The following CSMD1 variants were observed in gnomAD, a reference collection of about 807,000 sequenced individuals.
CSMD1 encodes CUB and sushi domain-containing protein 1.
Under a neutral mutation model 417.5 loss-of-function variants are expected in CSMD1, and 213 were observed. The observed-to-expected ratio is 0.51, with a 90% CI of 0.46 to 0.57. CSMD1 has a LOEUF of 0.57. CSMD1 is among the 20% of genes least tolerant of loss of function. The pLI, the probability that CSMD1 is intolerant of heterozygous loss-of-function variation, is 0.00. For synonymous variants in CSMD1, 2,862 were observed against 1,736.8 expected (o/e 1.65, Z -16.11); for missense variants, 6,923 against 4,529.7 (o/e 1.53, Z -15.17).
At chr8:4,885,216 A>G (rs1000862680) in intron 1 of CSMD1, among the ~76,000 whole-genome samples, 2 of 152,196 alleles carry the variant, frequency 1.3e-5, no homozygotes, top group South Asian at 2.1e-4. Flanking sequence ...ATTTTTAGAT[A>G]TAATAGTTTT....
chr8:4,192,611 G>C (rs1402874228), intron 3 of CSMD1, among the ~76,000 whole-genome samples: 1 of 152,196 alleles, frequency 6.6e-6, no homozygotes, highest in Non-Finnish European at 1.5e-5. Flanking sequence ...ATGAGAACAG[G>C]TTGGGCCACA....
chr8:3,810,611 G>A (rs1470446168), intron 5 of CSMD1, among the ~76,000 whole-genome samples: 1 of 152,150 alleles, frequency 6.6e-6, no homozygotes, highest in Non-Finnish European at 1.5e-5. Context: ...CCTTGTCACT[G>A]GTGACTCATT....
intron 1 of CSMD1, among the ~76,000 whole-genome samples, chr8:4,940,315 A>G (rs1265768588): frequency 1.3e-5 from 2 of 152,246 alleles, no homozygotes; most frequent in African/African-American, 4.8e-5. Context: ...TTCAATCTGA[A>G]TTATTTTCTG....
intron 37 of CSMD1, among the ~76,000 whole-genome samples, chr8:3,179,692 T>A (rs2129047060): frequency 6.6e-6 from 1 of 152,126 alleles, no homozygotes; most frequent in South Asian, 2.1e-4. Context: ...CAATACTAAC[T>A]CCCCCAAAAC....
At chr8:4,359,831 C>A (rs1236251481) in intron 3 of CSMD1, among the ~76,000 whole-genome samples, 2 of 152,252 alleles carry the variant, frequency 1.3e-5, no homozygotes, top group Admixed American at 1.3e-4. Context: ...ATCTCTCCTA[C>A]TGTCGGAAGC....
At chr8:4,121,280 C>T (rs1206430984) in intron 3 of CSMD1, among the ~76,000 whole-genome samples, 4 of 151,898 alleles carry the variant, frequency 2.6e-5, no homozygotes, top group East Asian at 1.9e-4. Flanking sequence ...ACACCCAGCT[C>T]GTTTTTGTAT....
chr8:3,480,247 T>A (rs1050538697), intron 11 of CSMD1, among the ~76,000 whole-genome samples: 1 of 151,996 alleles, frequency 6.6e-6, no homozygotes, highest in Non-Finnish European at 1.5e-5. Context: ...CTGTAGTCCC[T>A]ACTACTCAGG....
intron 9 of CSMD1, among the ~76,000 whole-genome samples, chr8:3,579,262 T>G (rs1357511183): frequency 6.6e-6 from 1 of 152,050 alleles, no homozygotes; most frequent in African/African-American, 2.4e-5. Context: ...TGCATGCCAT[T>G]TTGACATTTA....
rs535490501 is a variant in CSMD1, at chr8:3,158,690, C to T, written c.5845-724G>A. On this transcript the variant is annotated intron_variant, in intron 38 of 69. Coordinates refer to ENST00000635120, the MANE Select transcript of CSMD1 (RefSeq NM_033225.6). ...TAAATTCAAAGATGTTTTGTGCTAA[C>T]ATCTCTTTCTCAGTAAAAGAGAGGT... Among the ~76,000 whole-genome samples, 68 of 151,740 alleles carry T rather than the reference C, an allele frequency of 4.5e-4. 1 individual carries two copies. The South Asian group carries it at 0.011, about 25-fold the overall frequency.
At chr8:3,249,648 A>G (rs1402240135) in intron 26 of CSMD1, among the ~76,000 whole-genome samples, 2 of 152,262 alleles carry the variant, frequency 1.3e-5, no homozygotes, top group Non-Finnish European at 2.9e-5. Flanking sequence ...ACATGTAATT[A>G]AAACATTGAT....
In CSMD1 at chr8:4,096,626, A is replaced by G. The variant is rs554942456; in HGVS notation, c.416-64527T>C. Reference sequence around the variant, plus strand: ...GTAATCTGATCAATTACAATGAAAGATATCTTAAAAATCTTTACTAAGATA... The same window carrying G: ...GTAATCTGATCAATTACAATGAAAGGTATCTTAAAAATCTTTACTAAGATA... On this transcript the variant is annotated intron_variant, in intron 3 of 69. Transcript: ENST00000635120. Among the ~76,000 whole-genome samples the G allele has an allele frequency of 9.2e-5, 14 of 152,364 alleles. No individual in the cohort carries two copies. In the East Asian group the frequency reaches 1.7e-3, roughly 19 times the overall value.
chr8:4,473,661 G>T (rs1262115531), intron 2 of CSMD1, among the ~76,000 whole-genome samples: 1 of 152,158 alleles, frequency 6.6e-6, no homozygotes, highest in African/African-American at 2.4e-5. Flanking sequence ...TGAAAACAAA[G>T]AGCATATGAC....
rs190014553 is a variant in CSMD1 at position 4,142,327 on chromosome 8, T to G, written c.416-110228A>C. 2.0e-5 allele frequency among the ~76,000 whole-genome samples: 3 copies of G among 151,238 alleles called. No homozygotes were observed. In the East Asian group the frequency reaches 5.8e-4, roughly 29 times the overall value. On this transcript the variant is annotated intron_variant, in intron 3 of 69. Transcript: ENST00000635120. ...GATTTGCTATCTTTATCCACCTCAT[T>G]AGCCTACTCTACGAGGTTATGATAT...
chr8:3,562,934 C>G (rs2170482), intron 10 of CSMD1, among the ~76,000 whole-genome samples: 57,114 of 151,502 alleles, frequency 0.38, 11,318 homozygotes, highest in African/African-American at 0.51. Flanking sequence ...AAAAAAAAAC[C>G]AAACCATCCA....
At chr8:3,194,642 G>C (rs976681811) in intron 33 of CSMD1, among the ~76,000 whole-genome samples, 2 of 123,874 alleles carry the variant, frequency 1.6e-5, no homozygotes, top group Middle Eastern at 3.9e-3. Flanking sequence ...TTTTTTTTTT[G>C]TACTTTTAGT....
intron 1 of CSMD1, among the ~76,000 whole-genome samples, chr8:4,825,459 T>C (rs773334952): frequency 2.0e-5 from 3 of 152,108 alleles, no homozygotes; most frequent in Non-Finnish European, 2.9e-5. Flanking sequence ...TTACTCAGTT[T>C]GCATGATTGA....
At chr8:4,989,943 G>T (rs1174077936) in intron 1 of CSMD1, among the ~76,000 whole-genome samples, 1 of 152,200 alleles carries the variant, frequency 6.6e-6, no homozygotes, top group Non-Finnish European at 1.5e-5. Flanking sequence ...GCCCCCGGGA[G>T]GAGCTGCTTT....
At chr8:3,267,735 G>C (rs1448457043) in intron 26 of CSMD1, among the ~76,000 whole-genome samples, 1 of 152,190 alleles carries the variant, frequency 6.6e-6, no homozygotes, top group Non-Finnish European at 1.5e-5. Flanking sequence ...TACCCGGTGG[G>C]TGGGGCACAC....
chr8:4,005,100 G>C (rs1282980976), intron 4 of CSMD1, among the ~76,000 whole-genome samples: 1 of 152,086 alleles, frequency 6.6e-6, no homozygotes, highest in Non-Finnish European at 1.5e-5. Flanking sequence ...GGATGCAAAG[G>C]AATAGGAATG....
Sources: gnomAD v4.1 joint callset for allele counts (sites outside exome capture counted in the v4.1 genomes callset) on GRCh38, gnomAD v4.1.1 for gene constraint, MANE v1.5 for transcripts, NCBI Gene and HGNC (gene_info 2026-07-23, HGNC 2026-07-21) for gene names.